NELL1: variants seen among roughly 807,000 people sequenced by gnomAD.
The protein encoded by NELL1 is neural EGFL like 1.
NELL1 carries 76 observed loss-of-function variants against 107.4 expected under a neutral mutation model. The ratio of observed to expected loss-of-function variants is 0.71; its 90% confidence interval spans 0.59 to 0.86. The LOEUF is 0.86. NELL1 is among the 40% of genes least tolerant of loss of function. The pLI is 0.00. For synonymous variants in NELL1, 353 were observed against 341.2 expected (o/e 1.03, Z -0.38); for missense variants, 1,024 against 1,005.5 (o/e 1.02, Z -0.25).
intron 15 of NELL1, among the ~76,000 whole-genome samples, chr11:21,373,442 T>C (rs1314490858): frequency 1.3e-5 from 2 of 152,088 alleles, no homozygotes; most frequent in Non-Finnish European, 2.9e-5. Flanking sequence ...AAATCTTTCA[T>C]TTGATTTGTT....
At chr11:21,337,843 T>A (rs1850467391) in intron 14 of NELL1, among the ~76,000 whole-genome samples, 1 of 146,532 alleles carries the variant, frequency 6.8e-6, no homozygotes. Context: ...TTTCTTTTCT[T>A]TCTTTCTTTC....
intron 13 of NELL1, chr11:21,169,843 C>A: frequency 7.1e-7 from 1 of 1,413,136 alleles, no homozygotes; most frequent in Admixed American, 1.7e-5. Context: ...GTGCTTGCAC[C>A]CCAGAGTCCC....
At chr11:21,257,164 A>G (rs1456316669) in intron 14 of NELL1, among the ~76,000 whole-genome samples, 1 of 151,944 alleles carries the variant, frequency 6.6e-6, no homozygotes, top group East Asian at 1.9e-4. Flanking sequence ...GAACAGTGTC[A>G]ACTGTAAGAA....
chr11:21,513,610 T>C (rs967712805), intron 15 of NELL1, among the ~76,000 whole-genome samples: 1 of 152,318 alleles, frequency 6.6e-6, no homozygotes, highest in Admixed American at 6.5e-5. Context: ...GATTGTTGTT[T>C]TGTTAACTAA....
At chr11:20,791,377 C>T (rs965590650) in intron 3 of NELL1, among the ~76,000 whole-genome samples, 10 of 152,056 alleles carry the variant, frequency 6.6e-5, no homozygotes, top group Non-Finnish European at 8.8e-5. Context: ...TTTGGTTGCT[C>T]ATTGCTACTG....
intron 2 of NELL1, among the ~76,000 whole-genome samples, chr11:20,707,371 G>A (rs1434472871): frequency 3.9e-5 from 6 of 152,094 alleles, no homozygotes; most frequent in East Asian, 1.9e-4. Flanking sequence ...CCCTCAACTC[G>A]TCAAAATCAT....
chr11:21,080,451 T>C (rs552049984), intron 12 of NELL1, among the ~76,000 whole-genome samples: 1 of 152,264 alleles, frequency 6.6e-6, no homozygotes, highest in South Asian at 2.1e-4. Context: ...TATATATTGT[T>C]AAATACCTCC....
At chr11:21,388,387 A>C (rs1315285281) in intron 15 of NELL1, among the ~76,000 whole-genome samples, 1 of 151,850 alleles carries the variant, frequency 6.6e-6, no homozygotes, top group Non-Finnish European at 1.5e-5. Context: ...TAGGTAATAT[A>C]AATTAGTAGG....
chr11:20,855,071 G>A (rs926480657), intron 4 of NELL1, among the ~76,000 whole-genome samples: 11 of 152,076 alleles, frequency 7.2e-5, no homozygotes, highest in African/African-American at 1.4e-4. Context: ...ACCCTGTGGC[G>A]TATTCATATC....
intron 13 of NELL1, among the ~76,000 whole-genome samples, chr11:21,221,100 T>A (rs1277669058): frequency 2.6e-5 from 4 of 152,194 alleles, no homozygotes; most frequent in Non-Finnish European, 5.9e-5. Context: ...TTTTACCAAA[T>A]GCTTTCTCTG....
At chr11:21,309,889 T>C (rs1472533956) in intron 14 of NELL1, among the ~76,000 whole-genome samples, 4 of 152,058 alleles carry the variant, frequency 2.6e-5, no homozygotes, top group African/African-American at 7.2e-5. Flanking sequence ...GATGTGGGAA[T>C]TGTGGGAGTT....
chr11:21,377,923 A>G (rs1851517268), intron 15 of NELL1, among the ~76,000 whole-genome samples: 1 of 151,974 alleles, frequency 6.6e-6, no homozygotes, highest in East Asian at 1.9e-4. Context: ...GACACTATTG[A>G]CATTTTAGTT....
At chr11:21,405,615 T>C (rs1852216592) in intron 15 of NELL1, among the ~76,000 whole-genome samples, 1 of 152,008 alleles carries the variant, frequency 6.6e-6, no homozygotes, top group Non-Finnish European at 1.5e-5. Flanking sequence ...CTCTGCAGCA[T>C]CAATTATCAC....
rs1857867562 is a variant in NELL1, at chr11:20,825,751, G to A, written c.336-21832G>A. On this transcript the variant is annotated intron_variant, in intron 3 of 19. Transcript: ENST00000357134. ...TAAGAATATGGACTTGGACTTTTGGGCAAATGCTGAAATAAGTTAAGACTT... is the reference window on the plus strand; with the variant it reads ...TAAGAATATGGACTTGGACTTTTGGACAAATGCTGAAATAAGTTAAGACTT... 1.3e-5 allele frequency among the ~76,000 whole-genome samples: 2 copies of A among 151,162 alleles called. 1 individual carries two copies. Among genetic ancestry groups the A allele is most frequent in the Non-Finnish European group, 3.0e-5 (2 of 67,530 alleles).
chr11:21,122,376 G>A (rs892679960), intron 13 of NELL1, among the ~76,000 whole-genome samples: 9 of 152,128 alleles, frequency 5.9e-5, no homozygotes, highest in South Asian at 2.1e-4. Flanking sequence ...CCACATTCAG[G>A]TCATACAATG....
At chr11:21,170,842 C>T (rs571758294) in intron 13 of NELL1, among the ~76,000 whole-genome samples, 1 of 151,558 alleles carries the variant, frequency 6.6e-6, no homozygotes, top group South Asian at 2.1e-4. Context: ...TTGCTATAAT[C>T]CTTCTTGATT....
At chr11:21,311,890 T>C (rs1158672982) in intron 14 of NELL1, among the ~76,000 whole-genome samples, 1 of 152,170 alleles carries the variant, frequency 6.6e-6, no homozygotes, top group Non-Finnish European at 1.5e-5. Flanking sequence ...ACAAATATTA[T>C]TGTATTAGAA....
chr11:20,956,083 G>A (rs973207551), intron 11 of NELL1, among the ~76,000 whole-genome samples: 1 of 152,076 alleles, frequency 6.6e-6, no homozygotes, highest in Non-Finnish European at 1.5e-5. Context: ...GCCCGGCATG[G>A]TGGTACACGC....
At chr11:20,944,496 A>T in intron 10 of NELL1, among the ~76,000 whole-genome samples, 1 of 152,232 alleles carries the variant, frequency 6.6e-6, no homozygotes, top group East Asian at 1.9e-4. Context: ...TGGTTAGTAC[A>T]GAACTTGAAA....
Sources: allele counts gnomAD v4.1 joint callset (sites outside exome capture counted in the v4.1 genomes callset), GRCh38; gene constraint gnomAD v4.1.1; transcripts MANE v1.5; gene names NCBI Gene and HGNC (gene_info 2026-07-23, HGNC 2026-07-21).